Variants in PTPRA observed in about 807,000 individuals in gnomAD.
PTPRA encodes the protein protein tyrosine phosphatase receptor type A.
A neutral mutation model predicts 104.8 loss-of-function variants in PTPRA; 25 were observed. The observed-to-expected ratio is 0.24, with a 90% confidence interval of 0.17 to 0.33. PTPRA has a LOEUF of 0.33. Ranked by LOEUF, PTPRA falls within the 10% of genes least tolerant of loss-of-function variation. The probability of loss-of-function intolerance (pLI) is 1.00; values close to 1 mark genes in which losing one functional copy is unlikely to be tolerated. For missense variants in PTPRA, 765 were observed against 1,015.3 expected (o/e 0.75, Z 3.35); for synonymous variants, 323 against 368.9 (o/e 0.88, Z 1.43).
At chr20:2,920,869 T>G (rs538314880) in intron 1 of PTPRA, among the ~76,000 whole-genome samples, 18 of 152,054 alleles carry the variant, frequency 1.2e-4, no homozygotes, top group Non-Finnish European at 1.9e-4. Flanking sequence ...TTGAGGCTAT[T>G]TATGTGCTGA....
chr20:2,988,188 A>C, intron 8 of PTPRA, 83 bp downstream of exon 8: 1 of 1,513,022 alleles, frequency 6.6e-7, no homozygotes, highest in Non-Finnish European at 9.1e-7. Context: ...TTTTAAAAGA[A>C]TAAGACAATA....
chr20:3,002,559 T>A (rs1383508254), intron 9 of PTPRA, among the ~76,000 whole-genome samples: 5 of 152,224 alleles, frequency 3.3e-5, no homozygotes, highest in African/African-American at 9.6e-5. Context: ...ACACCAGACC[T>A]CAAATGATCC....
intron 1 of PTPRA, among the ~76,000 whole-genome samples, chr20:2,920,122 G>A (rs1477989600): frequency 2.0e-5 from 3 of 152,148 alleles, no homozygotes; most frequent in Non-Finnish European, 4.4e-5. Flanking sequence ...TGAGTAGGTG[G>A]TAATTTTTAT....
chr20:2,954,165 C>G (rs1271860471), intron 3 of PTPRA, among the ~76,000 whole-genome samples: 1 of 148,624 alleles, frequency 6.7e-6, no homozygotes, highest in East Asian at 2.0e-4. Flanking sequence ...GCAACCTCCT[C>G]TTCCTGGGTT....
Position 2,911,613 on chromosome 20 carries a change from G to T in PTPRA, c.-128-11594G>T, listed in dbSNP as rs551697332. On this transcript the variant is annotated intron_variant, in intron 1 of 23. Coordinates refer to ENST00000399903, the MANE Select transcript of PTPRA (RefSeq NM_001385305.1). Reference sequence around the variant, plus strand: ...TGTTTGCCCTGAAATAGTCTGATCTGATCAGGAGGATATTATGCTGAGCAT... The same window carrying T: ...TGTTTGCCCTGAAATAGTCTGATCTTATCAGGAGGATATTATGCTGAGCAT... 2.0e-4 allele frequency among the ~76,000 whole-genome samples: 30 copies of T among 152,276 alleles called. 1 individual carries two copies. In the South Asian group the frequency reaches 6.2e-3, roughly 32 times the overall value.
At chr20:2,910,687 A>G (rs1347241123) in intron 1 of PTPRA, among the ~76,000 whole-genome samples, 1 of 143,170 alleles carries the variant, frequency 7.0e-6, no homozygotes, top group Non-Finnish European at 1.5e-5. Context: ...GCTCACTGCA[A>G]GCTCCGCCTC....
At chr20:3,017,482 C>T (rs2064524356) in intron 12 of PTPRA, among the ~76,000 whole-genome samples, 1 of 152,196 alleles carries the variant, frequency 6.6e-6, no homozygotes, top group South Asian at 2.1e-4. Flanking sequence ...ATATGAAGCA[C>T]TTAGCTCACT....
intron 13 of PTPRA, among the ~76,000 whole-genome samples, chr20:3,018,681 C>G (rs879575852): frequency 0.025 from 3,743 of 151,366 alleles, 137 homozygotes; most frequent in African/African-American, 0.073. Flanking sequence ...ACCTTTCCCC[C>G]CTTTCTATTC....
intron 3 of PTPRA, among the ~76,000 whole-genome samples, chr20:2,956,029 C>T (rs1175984669): frequency 6.6e-6 from 1 of 152,180 alleles, no homozygotes; most frequent in Admixed American, 6.5e-5. Flanking sequence ...TGAAGTTAGA[C>T]ATCTGGGCCT....
At chr20:2,871,922 A>C (rs1374414745), upstream of PTPRA, among the ~76,000 whole-genome samples, 3 of 152,142 alleles carry the variant, frequency 2.0e-5, no homozygotes, top group African/African-American at 7.2e-5. Flanking sequence ...AGAGAGTCAC[A>C]ACTCCCACTC....
Position 2,884,761 on chromosome 20 carries a change from A to C in PTPRA, c.-129+11001A>C, listed in dbSNP as rs144831924. On this transcript the variant is annotated intron_variant, in intron 1 of 23. Transcript: ENST00000399903. Reference sequence around the variant, plus strand: ...ACATATCCTTTTGGGTAGATCTAGGAGTGGAACTGCTGAGTCAAATGGTAA... The same window carrying C: ...ACATATCCTTTTGGGTAGATCTAGGCGTGGAACTGCTGAGTCAAATGGTAA... Among the ~76,000 whole-genome samples the C allele has an allele frequency of 3.3e-3, 489 of 149,762 alleles. 3 individuals carry two copies. Among genetic ancestry groups the C allele is most frequent in the African/African-American group, 0.011 (465 of 40,606 alleles).
At chr20:2,983,587 A>G (rs1320506997) in intron 6 of PTPRA, among the ~76,000 whole-genome samples, 7 of 140,874 alleles carry the variant, frequency 5.0e-5, no homozygotes, top group Admixed American at 1.4e-4. Context: ...AAAAAAAAAA[A>G]GGCAGACAGA....
chr20:3,020,399 A>T (rs2064805870), intron 13 of PTPRA, among the ~76,000 whole-genome samples: 1 of 152,134 alleles, frequency 6.6e-6, no homozygotes, highest in African/African-American at 2.4e-5. Flanking sequence ...CGCCCGGCCC[A>T]CAGAGGAGCT....
At chr20:2,944,109 C>T (rs1324360136) in intron 2 of PTPRA, among the ~76,000 whole-genome samples, 3 of 149,404 alleles carry the variant, frequency 2.0e-5, no homozygotes, top group African/African-American at 5.0e-5. Context: ...GGCATGATCT[C>T]GGCTCACTGT....
intron 2 of PTPRA, among the ~76,000 whole-genome samples, chr20:2,939,952 C>A (rs2060845863): frequency 6.6e-6 from 1 of 151,872 alleles, no homozygotes; most frequent in South Asian, 2.1e-4. Flanking sequence ...ACTAAAAATA[C>A]AAAAAAAATT....
At chr20:2,951,195 G>A (rs1268516144) in intron 3 of PTPRA, among the ~76,000 whole-genome samples, 3 of 152,084 alleles carry the variant, frequency 2.0e-5, no homozygotes, top group Non-Finnish European at 4.4e-5. Flanking sequence ...CGACTCCGGG[G>A]TTCACACCAT....
intron 9 of PTPRA, 99 bp downstream of exon 9, chr20:2,988,573 T>C: frequency 1.3e-6 from 2 of 1,485,682 alleles, no homozygotes; most frequent in Non-Finnish European, 1.8e-6. Context: ...AAATGGGCTT[T>C]TAATGTTTAA....
intron 2 of PTPRA, among the ~76,000 whole-genome samples, chr20:2,944,576 C>G (rs2061054238): frequency 6.6e-6 from 1 of 152,136 alleles, no homozygotes; most frequent in Admixed American, 6.5e-5. Context: ...CACACCATTA[C>G]TTCTGCATTT....
At chr20:2,919,013 C>T (rs1187622756) in intron 1 of PTPRA, among the ~76,000 whole-genome samples, 4 of 152,102 alleles carry the variant, frequency 2.6e-5, no homozygotes, top group Non-Finnish European at 5.9e-5. Context: ...GTGTCTGACA[C>T]GTAGTAAATA....
Sources: gnomAD v4.1 joint callset for allele counts (sites outside exome capture counted in the v4.1 genomes callset) on GRCh38, gnomAD v4.1.1 for gene constraint, MANE v1.5 for transcripts, NCBI Gene and HGNC (gene_info 2026-07-23, HGNC 2026-07-21) for gene names.